The following KRABD4 variants were observed in gnomAD, a reference collection of about 807,000 sequenced individuals.
The protein encoded by KRABD4 is KRAB domain-containing protein 4.
At chrX:46,473,677 CAG>C in the KRABD4 span, 3 of 239,258 alleles carry the variant, frequency 1.3e-5, no homozygotes, top group African/African-American at 6.4e-5. Flanking sequence ...TTTTTTGAGA[CAG>C]AGTCTTGCTC....
the KRABD4 span, chrX:46,454,235 T>C: frequency 6.2e-6 from 1 of 161,537 alleles, no homozygotes; most frequent in Non-Finnish European, 1.3e-5. Flanking sequence ...GTGACAGCTG[T>C]AGCTGTGCCA....
At chrX:46,466,348 A>G in the KRABD4 span, among the ~76,000 whole-genome samples, 1 of 111,960 alleles carries the variant, frequency 8.9e-6, no homozygotes, top group African/African-American at 3.2e-5. Context: ...AACAAGTAAA[A>G]GAATTGTAGG....
chrX:46,469,508 G>A, the KRABD4 span, among the ~76,000 whole-genome samples: 2 of 111,981 alleles, frequency 1.8e-5, no homozygotes, highest in African/African-American at 6.5e-5. Flanking sequence ...CTCATTGCTA[G>A]TTTATAGAAG....
At chrX:46,447,938 C>T in the KRABD4 span, among the ~76,000 whole-genome samples, 1 of 111,371 alleles carries the variant, frequency 9.0e-6, no homozygotes, top group East Asian at 2.8e-4. Context: ...GGAGAACGGG[C>T]TCATGGAAGG....
At chrX:46,455,019 G>T in the KRABD4 span, 3 of 329,745 alleles carry the variant, frequency 9.1e-6, no homozygotes, top group East Asian at 1.8e-4. Context: ...TTACTTCATT[G>T]TCACTTGTGG....
At chrX:46,469,112 A>G in the KRABD4 span, among the ~76,000 whole-genome samples, 1 of 112,240 alleles carries the variant, frequency 8.9e-6, no homozygotes, top group Admixed American at 9.4e-5. Context: ...CTGTAGCCTT[A>G]TATTATGTGT....
chrX:46,450,367 G>T, the KRABD4 span: 11 of 703,139 alleles, frequency 1.6e-5, no homozygotes, highest in African/African-American at 1.9e-4. Flanking sequence ...ATTATTATTG[G>T]GATGGTAATG....
the KRABD4 span, among the ~76,000 whole-genome samples, chrX:46,454,775 G>C: frequency 8.9e-6 from 1 of 111,785 alleles, no homozygotes; most frequent in Non-Finnish European, 1.9e-5. Flanking sequence ...CTCCAGCCTG[G>C]GTGACAGAGC....
At chrX:46,471,072 T>A in the KRABD4 span, 3 of 1,107,306 alleles carry the variant, frequency 2.7e-6, no homozygotes, top group Admixed American at 8.1e-5. Flanking sequence ...GTCTACTTGT[T>A]CTATCAATTA....
the KRABD4 span, among the ~76,000 whole-genome samples, chrX:46,458,443 A>G: frequency 1.8e-5 from 2 of 111,985 alleles, no homozygotes; most frequent in Non-Finnish European, 3.8e-5. Flanking sequence ...TATATCAATA[A>G]GACAAGACAA....
At chrX:46,472,951 C>T in the KRABD4 span, 10 of 1,209,736 alleles carry the variant, frequency 8.3e-6, no homozygotes, top group African/African-American at 1.7e-5. Flanking sequence ...TGGGAAAAGG[C>T]ATTCAAAACA....
the KRABD4 span, among the ~76,000 whole-genome samples, chrX:46,450,945 C>G: frequency 9.1e-6 from 1 of 110,312 alleles, no homozygotes; most frequent in African/African-American, 3.3e-5. Flanking sequence ...TCAAGTGATC[C>G]CCCCACCTCG....
the KRABD4 span, chrX:46,474,498 A>G: frequency 8.9e-6 from 1 of 111,792 alleles, no homozygotes; most frequent in Non-Finnish European, 1.9e-5. Context: ...ACCTTGTCAT[A>G]TTGTGCATTA....
the KRABD4 span, chrX:46,472,062 G>A: frequency 8.9e-6 from 1 of 111,842 alleles, no homozygotes; most frequent in East Asian, 2.8e-4. Context: ...TGTACCCTAA[G>A]CTATGAAAGC....
At chrX:46,474,575 C>T in the KRABD4 span, 1 of 111,708 alleles carries the variant, frequency 9.0e-6, no homozygotes, top group Non-Finnish European at 1.9e-5. Flanking sequence ...TATCATTTCG[C>T]CTTCGGTTGA....
At chrX:46,473,497 C>T in the KRABD4 span, 1 of 834,832 alleles carries the variant, frequency 1.2e-6, no homozygotes. Context: ...ATGGGAGAAA[C>T]CTTATGAATG....
the KRABD4 span, among the ~76,000 whole-genome samples, chrX:46,451,711 C>T: frequency 1.8e-5 from 2 of 111,613 alleles, no homozygotes; most frequent in Admixed American, 9.5e-5. Flanking sequence ...ATTTTCCAGG[C>T]TATTAAAGAT....
chrX:46,462,676 G>T, the KRABD4 span: 1 of 1,208,740 alleles, frequency 8.3e-7, no homozygotes, highest in East Asian at 3.0e-5. Context: ...TAAGCCCTCC[G>T]TGTGCGTGAG....
the KRABD4 span, among the ~76,000 whole-genome samples, chrX:46,468,499 G>GC: frequency 9.1e-6 from 1 of 110,450 alleles, no homozygotes; most frequent in East Asian, 2.8e-4. Context: ...CTGTACTCCA[G>GC]CGCTCCAGTA....
Sources: allele counts gnomAD v4.1 joint callset (sites outside exome capture counted in the v4.1 genomes callset), GRCh38; gene constraint gnomAD v4.1.1; transcripts MANE v1.5; gene names NCBI Gene and HGNC (gene_info 2026-07-23, HGNC 2026-07-21).